Variants in CRTC1 observed in about 807,000 individuals in gnomAD.
CRTC1 encodes the protein CREB regulated transcription coactivator 1.
CRTC1 carries 18 observed loss-of-function variants against 66.1 expected under a neutral mutation model. That is an observed-to-expected ratio of 0.27 (90% confidence interval 0.19 to 0.40). CRTC1 has a LOEUF of 0.40. CRTC1 is among the 10% of genes least tolerant of loss of function. The pLI, the probability that CRTC1 is intolerant of heterozygous loss-of-function variation, is 1.00. For synonymous variants in CRTC1, 416 were observed against 398.8 expected (o/e 1.04, Z -0.51); for missense variants, 669 against 887.9 (o/e 0.75, Z 3.13).
At chr19:18,718,937 A>G (rs1407276909) in intron 1 of CRTC1, among the ~76,000 whole-genome samples, 2 of 152,128 alleles carry the variant, frequency 1.3e-5, no homozygotes, top group Admixed American at 6.6e-5. Context: ...GCATAACACG[A>G]TTTGAACTGA....
chr19:18,772,850 G>A (rs1005491755), intron 11 of CRTC1, among the ~76,000 whole-genome samples: 2 of 152,222 alleles, frequency 1.3e-5, no homozygotes. Flanking sequence ...TGGTCTCGTC[G>A]TGTGGTACTG....
Position 18,781,712 on chromosome 19 carries a change from G to A in CRTC1, c.*4330G>A, listed in dbSNP as rs1184894257. The A allele has an allele frequency of 8.7e-6, 2 of 230,808 alleles. No individual in the cohort carries two copies. Among genetic ancestry groups the A allele is most frequent in the Non-Finnish European group, 1.7e-5 (2 of 116,588 alleles). 14.3% of individuals were successfully genotyped at this position (230,808 alleles called of 1,614,324 possible). Reference sequence around the variant, plus strand: ...TCAAACCTGCAGGTCTCAGGGCCCCGGGCTCCTCCTGGGCAGGATGGGGGG... The same window carrying A: ...TCAAACCTGCAGGTCTCAGGGCCCCAGGCTCCTCCTGGGCAGGATGGGGGG... On this transcript the variant is annotated 3_prime_UTR_variant, in exon 14 of 14. Transcript: ENST00000321949.
chr19:18,758,450 G>A (rs2054542122), intron 6 of CRTC1, among the ~76,000 whole-genome samples: 1 of 152,086 alleles, frequency 6.6e-6, no homozygotes, highest in African/African-American at 2.4e-5. Flanking sequence ...AGTCCAAGAG[G>A]AGCCTATTGT....
intron 2 of CRTC1, 96 bp downstream of exon 2, chr19:18,743,122 C>A: frequency 1.0e-6 from 1 of 986,046 alleles, no homozygotes; most frequent in Non-Finnish European, 1.6e-6. Context: ...GGTTATCAGA[C>A]AGTTGGCGGA....
Position 18,777,593 on chromosome 19 carries a change from C to G in CRTC1, c.*211C>G. The G allele has an allele frequency of 1.8e-6, 1 of 550,714 alleles. No individual in the cohort carries two copies. The highest frequency in any genetic ancestry group is 3.2e-6 in the Non-Finnish European group (1 of 314,810). 34.1% of individuals were successfully genotyped at this position (550,714 alleles called of 1,614,324 possible). ...CCGGGCCGTCCACCCACCCGCCCGC[C>G]CAGGGCTGGGCTGGGATCGGAGGCC... On this transcript the variant is annotated 3_prime_UTR_variant, in exon 14 of 14. Transcript: ENST00000321949. This position sits in a 1 kb window ranked among gnomAD's most constrained non-coding sequence, Gnocchi z 5.5.
intron 13 of CRTC1, among the ~76,000 whole-genome samples, chr19:18,776,202 TG>T (rs912595371): frequency 3.5e-4 from 53 of 152,230 alleles, no homozygotes; most frequent in African/African-American, 1.3e-3. Flanking sequence ...GGCTGTGGGG[TG>T]GGCCCTGTCT....
chr19:18,693,258 G>A (rs1223394294), intron 1 of CRTC1, among the ~76,000 whole-genome samples: 1 of 149,908 alleles, frequency 6.7e-6, no homozygotes. Context: ...GTGTGGTGGT[G>A]TGCACCTGTA....
At chr19:18,765,327 G>A in intron 8 of CRTC1, 77 bp from the exon 9 acceptor site, 1 of 1,541,366 alleles carries the variant, frequency 6.5e-7, no homozygotes, top group Non-Finnish European at 8.8e-7. Flanking sequence ...CATGCAGTGT[G>A]ACTGTGGGTG....
intron 4 of CRTC1, 23 bp downstream of exon 4, chr19:18,747,137 C>CT: frequency 2.2e-6 from 2 of 900,624 alleles, no homozygotes; most frequent in Non-Finnish European, 3.4e-6. Flanking sequence ...ACACCCCCCC[C>CT]CCGCCCCCTT....
chr19:18,713,336 G>T (rs1328370505), intron 1 of CRTC1, among the ~76,000 whole-genome samples: 1 of 152,248 alleles, frequency 6.6e-6, no homozygotes, highest in East Asian at 1.9e-4. Context: ...GTTATGAACA[G>T]AGCTGCATGG....
chr19:18,693,456 T>C (rs2052899407), intron 1 of CRTC1, among the ~76,000 whole-genome samples: 1 of 151,848 alleles, frequency 6.6e-6, no homozygotes, highest in African/African-American at 2.4e-5. Flanking sequence ...AAGACAGGTT[T>C]TACCAAGGAG....
rs76469905 is a variant in CRTC1 at position 18,705,123 on chromosome 19, T to C, written c.126+21295T>C. Among the ~76,000 whole-genome samples, 19 of 152,270 alleles carry C rather than the reference T, an allele frequency of 1.2e-4. No homozygotes were observed. The East Asian group carries it at 3.7e-3, about 29-fold the overall frequency. ...GTAACGTGTCAGAACGTCCTTCCCC[T>C]CTAAGGCTGTTATTCCACTGTATGG... On this transcript the variant is annotated intron_variant, in intron 1 of 13. Transcript: ENST00000321949.
intron 2 of CRTC1, 110 bp downstream of exon 2, chr19:18,743,136 C>A: frequency 2.4e-6 from 2 of 840,464 alleles, no homozygotes; most frequent in East Asian, 2.6e-5. Context: ...TGGCGGAGCC[C>A]ACCCAACCAC....
intron 1 of CRTC1, among the ~76,000 whole-genome samples, chr19:18,698,084 G>T (rs891499339): frequency 1.3e-5 from 2 of 152,090 alleles, no homozygotes; most frequent in African/African-American, 4.8e-5. Context: ...CAGGTGCTCG[G>T]CAGGCACACG....
At chr19:18,735,476 T>A (rs1337997355) in intron 1 of CRTC1, 1 of 152,272 alleles carries the variant, frequency 6.6e-6, no homozygotes, top group African/African-American at 2.4e-5. Flanking sequence ...AGGCCTCGTT[T>A]TGAAGCCGAG....
chr19:18,762,536 C>T (rs1025916921), intron 8 of CRTC1, among the ~76,000 whole-genome samples: 13 of 152,228 alleles, frequency 8.5e-5, no homozygotes, highest in African/African-American at 2.4e-4. Context: ...GAGACAGTAC[C>T]CCGCTTGGCT....
chr19:18,722,511 C>CA (rs1555779828), intron 1 of CRTC1, among the ~76,000 whole-genome samples: 1 of 152,178 alleles, frequency 6.6e-6, no homozygotes, highest in Non-Finnish European at 1.5e-5. Flanking sequence ...GAGGAGAAGA[C>CA]ACAGGCACAC....
In CRTC1 at chr19:18,769,863, CT is replaced by C. The variant is rs555049455; in HGVS notation, c.1320+1072del. On this transcript the variant is annotated intron_variant, in intron 10 of 13. Transcript: ENST00000321949. The stretch of plus-strand genomic sequence containing the variant: ...AGCCTCCTGGGGTTGAGGGGGGACT[CT>C]TGAGTTTTTGCACAGACTCACCCAA... Among the ~76,000 whole-genome samples the C allele has an allele frequency of 9.0e-4, 137 of 152,304 alleles. 1 individual carries two copies. In the South Asian group the frequency reaches 0.013, roughly 14 times the overall value.
chr19:18,772,203 C>T (rs909179252), intron 11 of CRTC1, among the ~76,000 whole-genome samples: 1 of 152,166 alleles, frequency 6.6e-6, no homozygotes, highest in Non-Finnish European at 1.5e-5. Context: ...TCAGGTTCCT[C>T]GGAATGCCCC....
Sources: gnomAD v4.1 joint callset for allele counts (sites outside exome capture counted in the v4.1 genomes callset) on GRCh38, gnomAD v4.1.1 for gene constraint, Gnocchi (gnomAD v3.1) non-coding constraint, MANE v1.5 for transcripts, NCBI Gene and HGNC (gene_info 2026-07-23, HGNC 2026-07-21) for gene names.